MALRD1: variants seen among roughly 807,000 people sequenced by gnomAD.
MALRD1 encodes the protein MAM and LDL receptor class A domain containing 1.
A neutral mutation model predicts 242.1 loss-of-function variants in MALRD1; 247 were observed. The ratio of observed to expected loss-of-function variants is 1.02; its 90% CI spans 0.92 to 1.13. The LOEUF is 1.13. Ranked by LOEUF, MALRD1 falls within the 50% of genes most tolerant of loss-of-function variation. The probability of loss-of-function intolerance (pLI) is 0.00; values close to 1 mark genes in which losing one functional copy is unlikely to be tolerated. For synonymous variants in MALRD1, 995 were observed against 866.6 expected, an observed-to-expected ratio of 1.15 and a Z score of -2.60; for missense variants, 2,989 against 2,533.1, an observed-to-expected ratio of 1.18 and a Z score of -3.86.
chr10:19,192,380 G>A (rs1047974950), intron 14 of MALRD1, among the ~76,000 whole-genome samples: 5 of 152,244 alleles, frequency 3.3e-5, no homozygotes, highest in African/African-American at 9.6e-5. Context: ...AAAAAGTAGG[G>A]GGAAAAGCAA....
At chr10:19,603,306 CTAGGGTTTT>C (rs1340091452) in intron 34 of MALRD1, among the ~76,000 whole-genome samples, 7 of 152,118 alleles carry the variant, frequency 4.6e-5, no homozygotes, top group African/African-American at 1.7e-4. Flanking sequence ...AGGTTTTCTT[CTAGGGTTTT>C]TATGATTTTA....
At chr10:19,079,402 T>C (rs1319890453) in intron 2 of MALRD1, among the ~76,000 whole-genome samples, 1 of 151,876 alleles carries the variant, frequency 6.6e-6, no homozygotes, top group Non-Finnish European at 1.5e-5. Context: ...TAAAATATTA[T>C]CTCTCTTGGA....
At chr10:19,305,317 A>G (rs562592600) in intron 21 of MALRD1, among the ~76,000 whole-genome samples, 15 of 151,818 alleles carry the variant, frequency 9.9e-5, no homozygotes, top group African/African-American at 3.4e-4. Flanking sequence ...CTTTTCAAAA[A>G]TCTAGCTGAA....
chr10:19,363,022 TG>T (rs1257740601), intron 26 of MALRD1, among the ~76,000 whole-genome samples: 1 of 152,030 alleles, frequency 6.6e-6, no homozygotes, highest in Non-Finnish European at 1.5e-5. Flanking sequence ...GCAGATTTCA[TG>T]GGGGAGAGTT....
intron 38 of MALRD1, chr10:19,724,796 A>C (rs1015528168): frequency 6.6e-6 from 1 of 152,248 alleles, no homozygotes; most frequent in South Asian, 2.1e-4. Flanking sequence ...TTCAGTATTC[A>C]TAAATGGCAT....
chr10:19,419,755 T>C, intron 28 of MALRD1, among the ~76,000 whole-genome samples: 1 of 152,208 alleles, frequency 6.6e-6, no homozygotes, highest in East Asian at 1.9e-4. Flanking sequence ...AGTTGTAGTA[T>C]TGTATTTTAC....
chr10:19,156,517 C>T (rs111379513), intron 12 of MALRD1, among the ~76,000 whole-genome samples: 1 of 141,896 alleles, frequency 7.0e-6, no homozygotes, highest in Non-Finnish European at 1.5e-5. Flanking sequence ...TTTGAAAGTA[C>T]AAGCTAACTT....
At chr10:19,365,974 A>G (rs1845091724) in intron 26 of MALRD1, among the ~76,000 whole-genome samples, 1 of 151,952 alleles carries the variant, frequency 6.6e-6, no homozygotes, top group African/African-American at 2.4e-5. Flanking sequence ...TGAGCTTCCT[A>G]TCAATTGTGT....
intron 24 of MALRD1, among the ~76,000 whole-genome samples, chr10:19,346,135 T>A (rs1844109917): frequency 6.6e-6 from 1 of 152,154 alleles, no homozygotes; most frequent in African/African-American, 2.4e-5. Context: ...GTAATTGGTT[T>A]ATTTTGCACC....
chr10:19,362,108 A>G (rs1297111590), intron 26 of MALRD1, among the ~76,000 whole-genome samples: 4 of 152,126 alleles, frequency 2.6e-5, no homozygotes, highest in Admixed American at 1.3e-4. Context: ...TAGGGCTATC[A>G]TAGCAATACT....
At position 19,708,319 on chromosome 10, in the gene MALRD1, C is replaced by CTTCTTT. The variant is rs199893417; in HGVS notation, c.6314+15786_6314+15791dup. 1.1e-4 allele frequency among the ~76,000 whole-genome samples: 12 copies of CTTCTTT among 110,718 alleles called. 2 individuals are homozygous for CTTCTTT. Among genetic ancestry groups the CTTCTTT allele is most frequent in the East Asian group, 5.5e-4 (2 of 3,620 alleles). 72.6% of individuals were successfully genotyped at this position (110,718 alleles called of 152,430 possible). A position where few individuals can be genotyped will look rare whatever the true frequency, so the allele number is the denominator to read the frequency against. On this transcript the variant is annotated intron_variant, in intron 38 of 39. Coordinates refer to ENST00000454679, the MANE Select transcript of MALRD1 (RefSeq NM_001142308.3). ...GATGTTATGTGTTTTTTTTTTTAAC[C>CTTCTTT]TTCTTTTTCTTTTTCTTTTTCTTTT...
intron 38 of MALRD1, among the ~76,000 whole-genome samples, chr10:19,719,206 A>ATACG (rs1564567266): frequency 4.6e-5 from 3 of 65,764 alleles, no homozygotes; most frequent in African/African-American, 2.0e-4. Flanking sequence ...ATATATATAT[A>ATACG]TATATACACA....
intron 29 of MALRD1, among the ~76,000 whole-genome samples, chr10:19,469,465 G>T (rs1400034648): frequency 6.6e-6 from 1 of 152,080 alleles, no homozygotes; most frequent in Non-Finnish European, 1.5e-5. Flanking sequence ...TTGTATGCTT[G>T]CTCTTTTCTG....
intron 11 of MALRD1, among the ~76,000 whole-genome samples, chr10:19,148,852 G>A (rs550385946): frequency 6.8e-6 from 1 of 146,276 alleles, no homozygotes; most frequent in South Asian, 2.2e-4. Flanking sequence ...TGATTGCCAT[G>A]ATCAAACCTT....
chr10:19,148,973 A>G (rs1230714075), intron 11 of MALRD1, among the ~76,000 whole-genome samples: 1 of 151,796 alleles, frequency 6.6e-6, no homozygotes, highest in African/African-American at 2.4e-5. Context: ...GTAGAGTCAG[A>G]GGCAGCCTAA....
At chr10:19,110,100 A>G (rs946593938) in intron 5 of MALRD1, among the ~76,000 whole-genome samples, 2 of 152,186 alleles carry the variant, frequency 1.3e-5, no homozygotes, top group African/African-American at 4.8e-5. Flanking sequence ...ATTCCCCTGC[A>G]ACACTCTGGT....
At chr10:19,613,534 C>A (rs1253968697) in intron 35 of MALRD1, among the ~76,000 whole-genome samples, 1 of 151,892 alleles carries the variant, frequency 6.6e-6, no homozygotes, top group Non-Finnish European at 1.5e-5. Context: ...AACTTTCTAC[C>A]CCCAACCCCA....
chr10:19,209,190 A>C (rs1836926008), intron 17 of MALRD1, 78 bp from the exon 18 acceptor site: 1 of 1,268,558 alleles, frequency 7.9e-7, no homozygotes, highest in African/African-American at 1.5e-5. Flanking sequence ...AGCATTCTTT[A>C]AATATTAATA....
intron 28 of MALRD1, among the ~76,000 whole-genome samples, chr10:19,407,719 A>G (rs1158347760): frequency 1.3e-5 from 2 of 152,192 alleles, no homozygotes; most frequent in Non-Finnish European, 2.9e-5. Context: ...TGGATGTGGA[A>G]CAAACAATTA....
Sources: allele counts gnomAD v4.1 joint callset (sites outside exome capture counted in the v4.1 genomes callset), GRCh38; gene constraint gnomAD v4.1.1; transcripts MANE v1.5; gene names NCBI Gene and HGNC (gene_info 2026-07-23, HGNC 2026-07-21).